The following INSL6 variants were observed in gnomAD, a reference collection of about 807,000 sequenced individuals.
INSL6 encodes insulin like 6, also known as insulin-like peptide INSL6.
A neutral mutation model predicts 9.4 loss-of-function variants in INSL6; 16 were observed. The observed-to-expected ratio is 1.70, with a 90% CI of 1.15 to 2.59. INSL6 has a LOEUF of 2.59. Among genes scored for constraint, INSL6 ranks in the 30% most tolerant of loss-of-function variants. The pLI is 0.00. For missense variants in INSL6, 391 were observed against 257.3 expected, an observed-to-expected ratio of 1.52 and a Z score of -3.56; for synonymous variants, 154 against 96.9, an observed-to-expected ratio of 1.59 and a Z score of -3.46.
In INSL6 at chr9:5,167,667, C is replaced by G. The variant is rs1004032086; in HGVS notation, c.290-3402G>C. Among the ~76,000 whole-genome samples the G allele has an allele frequency of 1.6e-4, 24 of 152,314 alleles. 1 individual carries two copies. The highest frequency in any genetic ancestry group is 1.0e-3 in the South Asian group (5 of 4,824). Reference sequence around the variant, plus strand: ...GTTGGCCACGCTATCGTGGATCAGCCATTTTAGTCTTTCCTGCCTACTGGC... The same window carrying G: ...GTTGGCCACGCTATCGTGGATCAGCGATTTTAGTCTTTCCTGCCTACTGGC... On this transcript the variant is annotated intron_variant, in intron 1 of 1. Transcript: ENST00000381641.
chr9:5,057,939 A>T, the INSL6 span, among the ~76,000 whole-genome samples: 1 of 152,130 alleles, frequency 6.6e-6, no homozygotes, highest in African/African-American at 2.4e-5. Context: ...AAGCAGGCTG[A>T]AACAATACTG....
At chr9:5,163,830 C>T (rs1824980553), downstream of INSL6, 5 of 862,790 alleles carry the variant, frequency 5.8e-6, no homozygotes, top group Non-Finnish European at 9.1e-6. Flanking sequence ...CACATCATAT[C>T]ACTTATATGC....
chr9:4,993,858 G>A, the INSL6 span, among the ~76,000 whole-genome samples: 1 of 152,364 alleles, frequency 6.6e-6, no homozygotes, highest in Admixed American at 6.5e-5. Flanking sequence ...CCACGTCTGT[G>A]TGGGTTTTTC....
intron 1 of INSL6, among the ~76,000 whole-genome samples, chr9:5,174,978 C>T (rs939508979): frequency 7.3e-5 from 11 of 150,632 alleles, no homozygotes; most frequent in South Asian, 4.2e-4. Context: ...CTCGCTCTGG[C>T]GCCCAGGCTG....
At chr9:5,045,349 C>T in the INSL6 span, among the ~76,000 whole-genome samples, 1 of 151,986 alleles carries the variant, frequency 6.6e-6, no homozygotes, top group Non-Finnish European at 1.5e-5. Context: ...TTATGAACAA[C>T]AAAAGGAAAA....
the INSL6 span, among the ~76,000 whole-genome samples, chr9:4,994,656 G>A: frequency 1.6e-4 from 25 of 152,256 alleles, no homozygotes; most frequent in Middle Eastern, 3.4e-3. Flanking sequence ...ATGAACAGAC[G>A]TGGCTCATGG....
intron 1 of INSL6, among the ~76,000 whole-genome samples, chr9:5,171,611 G>C (rs1434987152): frequency 6.6e-6 from 1 of 152,268 alleles, no homozygotes; most frequent in East Asian, 1.9e-4. Flanking sequence ...CTGCTCAAAA[G>C]CTTCTTAAGC....
chr9:5,149,920 T>A (rs10815166), intron 2 of INSL6, among the ~76,000 whole-genome samples: 2 of 151,938 alleles, frequency 1.3e-5, no homozygotes, highest in Non-Finnish European at 2.9e-5. Flanking sequence ...CAGAACATAA[T>A]AGAGAACCCT....
chr9:5,142,993 A>C (rs562594072), intron 2 of INSL6, among the ~76,000 whole-genome samples: 1 of 152,170 alleles, frequency 6.6e-6, no homozygotes, highest in Non-Finnish European at 1.5e-5. Flanking sequence ...TATGTGGTCA[A>C]TCACATTTAC....
the INSL6 span, chr9:5,072,600 G>A: frequency 6.2e-7 from 1 of 1,608,134 alleles, no homozygotes; most frequent in Non-Finnish European, 8.5e-7. Context: ...AAAAGTTCTG[G>A]ATAAAGCACA....
the INSL6 span, among the ~76,000 whole-genome samples, chr9:5,026,096 A>C: frequency 6.6e-6 from 1 of 152,126 alleles, no homozygotes; most frequent in Admixed American, 6.6e-5. Context: ...GATTTTTATC[A>C]TGTCCATCTC....
chr9:5,072,128 C>T, the INSL6 span, among the ~76,000 whole-genome samples: 1 of 152,148 alleles, frequency 6.6e-6, no homozygotes, highest in East Asian at 1.9e-4. Flanking sequence ...GATATTCTGC[C>T]TCTGCAGACC....
the INSL6 span, among the ~76,000 whole-genome samples, chr9:5,036,275 CAAT>C: frequency 6.6e-6 from 1 of 152,134 alleles, no homozygotes; most frequent in South Asian, 2.1e-4. Context: ...TAGGAAGAAT[CAAT>C]ATTGTGAAAA....
At chr9:5,066,831 T>C in the INSL6 span, 2 of 815,868 alleles carry the variant, frequency 2.5e-6, no homozygotes, top group South Asian at 4.8e-5. Flanking sequence ...TTTATTTAGT[T>C]CATTTAATTT....
chr9:5,150,880 C>A (rs960528221), intron 2 of INSL6, among the ~76,000 whole-genome samples: 1 of 147,726 alleles, frequency 6.8e-6, no homozygotes, highest in South Asian at 2.2e-4. Flanking sequence ...CACACACACA[C>A]ATCATGGAAT....
At chr9:5,054,783 C>T in the INSL6 span, 1 of 1,612,918 alleles carries the variant, frequency 6.2e-7, no homozygotes, top group Non-Finnish European at 8.5e-7. The surrounding 1 kb of genome is among the most constrained non-coding windows in gnomAD (Gnocchi z 4.9). Context: ...TGGAAGTGGT[C>T]CTTCAGGTGA....
the INSL6 span, among the ~76,000 whole-genome samples, chr9:5,089,519 C>A: frequency 1.8e-5 from 2 of 109,796 alleles, no homozygotes; most frequent in African/African-American, 7.4e-5. Context: ...ACCTGGGTGA[C>A]AGAGCGAGAC....
chr9:5,007,736 T>C, the INSL6 span, among the ~76,000 whole-genome samples: 1 of 151,872 alleles, frequency 6.6e-6, no homozygotes, highest in Non-Finnish European at 1.5e-5. Flanking sequence ...TTTTTTTTTT[T>C]TGGAGTGGAG....
At chr9:5,110,475 A>G in the INSL6 span, 2 of 153,030 alleles carry the variant, frequency 1.3e-5, no homozygotes, top group Admixed American at 1.3e-4. Flanking sequence ...TTTTAAAGCT[A>G]TATTATTTAT....
Sources: gnomAD v4.1 joint callset for allele counts (sites outside exome capture counted in the v4.1 genomes callset) on GRCh38, gnomAD v4.1.1 for gene constraint, Gnocchi (gnomAD v3.1) non-coding constraint, MANE v1.5 for transcripts, NCBI Gene and HGNC (gene_info 2026-07-23, HGNC 2026-07-21) for gene names.